TRIP10: variants seen among roughly 807,000 people sequenced by gnomAD.
TRIP10 encodes the protein cdc42-interacting protein 4.
In TRIP10, 54 loss-of-function variants were observed where a neutral mutation model predicts 80.9. The observed-to-expected ratio is 0.67, with a 90% confidence interval of 0.54 to 0.84. TRIP10 has a LOEUF of 0.84. Among genes scored for constraint, TRIP10 ranks in the 40% least tolerant of loss-of-function variants. The probability of loss-of-function intolerance (pLI) is 0.00; values close to 1 mark genes in which losing one functional copy is unlikely to be tolerated. For synonymous variants in TRIP10, 321 were observed against 307.2 expected, an observed-to-expected ratio of 1.04 and a Z score of -0.47; for missense variants, 773 against 815.3, an observed-to-expected ratio of 0.95 and a Z score of 0.63.
In TRIP10 at chr19:6,743,221, C is replaced by G. The variant is rs374874945; in HGVS notation, c.373C>G (p.Gln125Glu). 1.9e-6 allele frequency: 3 copies of G among 1,614,058 alleles called. No homozygotes were observed. Among genetic ancestry groups the G allele is most frequent in the Non-Finnish European group, 2.5e-6 (3 of 1,180,026 alleles). ...MHFQEGRRAQQQLENGFKQLE... is the reference protein window; with the variant it reads ...MHFQEGRRAQEQLENGFKQLE... ...CTTCCAAGAAGGGCGGCGGGCCCAG[C>G]AGCAGCTGGAAAATGGCTTTAAACA... is the stretch of plus-strand genomic sequence containing the variant. The change falls in exon 5 of 15, where the codon CAG (glutamine) becomes GAG (glutamate). Residue 125 changes from glutamine (Q) to glutamate (E), a missense_variant. Physicochemically the swap from Gln to Glu is conservative, Grantham distance 29. Transcript: ENST00000313244.
At chr19:6,750,137 G>GGGGGC in intron 12 of TRIP10, 71 bp downstream of exon 12, 1 of 1,498,174 alleles carries the variant, frequency 6.7e-7, no homozygotes, top group Admixed American at 2.0e-5. Context: ...GGGGTGGGGG[G>GGGGGC]TCGGGGACAG....
rs533753823 is a variant in TRIP10, at chr19:6,742,757, G to T, written c.198-210G>T. 1.8e-4 allele frequency among the ~76,000 whole-genome samples: 27 copies of T among 147,668 alleles called. No individual in the cohort carries two copies. In the South Asian group the frequency reaches 5.8e-3, roughly 32 times the overall value. On this transcript the variant is annotated intron_variant, in intron 3 of 14. Coordinates refer to ENST00000313244, the MANE Select transcript of TRIP10 (RefSeq NM_001288962.2). ...CAATCATGCCGCTGCACTGCAGCCT[G>T]GGTGACAGCAAGACCCTGTCTCAAA...
At position 6,745,174 on chromosome 19, in the gene TRIP10, G is replaced by A; in HGVS notation, c.984+180G>A. 1.2e-6 allele frequency: 1 copy of A among 844,290 alleles called. No individual in the cohort carries two copies. Among genetic ancestry groups the A allele is most frequent in the East Asian group, 2.8e-5 (1 of 35,150 alleles). 52.3% of individuals were successfully genotyped at this position (844,290 alleles called of 1,614,324 possible). A position where few individuals can be genotyped will look rare whatever the true frequency, so the allele number is the denominator to read the frequency against. On this transcript the variant is annotated intron_variant, in intron 9 of 14. Transcript: ENST00000313244. The surrounding 1 kb of genome is among the most constrained non-coding windows in gnomAD (Gnocchi z 7.2). ...CCGATTGGCCTGGGAGTCCCCCGAG[G>A]CGAAGGCGGGGGCAGGGTGGGGAGG... is the stretch of plus-strand genomic sequence containing the variant.
intron 11 of TRIP10, chr19:6,748,284 G>T (rs1355130324): frequency 6.6e-6 from 1 of 152,118 alleles, no homozygotes. Flanking sequence ...TTTGCCATTT[G>T]CATGTAACCT....
rs1362570276 is a variant in TRIP10, at chr19:6,744,508, T to C, written c.643-46T>C. Reference sequence around the variant, plus strand: ...GCAGAGTGAATCACTGTGCTTCTAGTCCCTCTGTTAGCACCCCTGAGCCAC... The same window carrying C: ...GCAGAGTGAATCACTGTGCTTCTAGCCCCTCTGTTAGCACCCCTGAGCCAC... On this transcript the variant is annotated intron_variant, in intron 7 of 14. Coordinates refer to ENST00000313244, the MANE Select transcript of TRIP10 (RefSeq NM_001288962.2). This position sits in a 1 kb window ranked among gnomAD's most constrained non-coding sequence, Gnocchi z 4.9. 1.2e-6 allele frequency: 2 copies of C among 1,611,472 alleles called. No homozygotes were observed. The highest frequency in any genetic ancestry group is 2.7e-5 in the African/African-American group (2 of 74,902).
Position 6,744,961 on chromosome 19 carries a change from C to T in TRIP10, c.951C>T (p.Arg317=), listed in dbSNP as rs760006641. ...AACTCCGAGGCCCGGGTCGCAGCCG[C>T]ACCAAGCGCTGGCCTTTTGGCAAGA... ...RPELRGPGRS[R]TKRWPFGKKN... The change falls in exon 9 of 15, where the codon CGC becomes CGT. Residue 317 remains arginine, a synonymous_variant. Transcript: ENST00000313244. The surrounding 1 kb of genome is among the most constrained non-coding windows in gnomAD (Gnocchi z 4.9). 6 of 1,613,870 alleles carry T rather than the reference C, an allele frequency of 3.7e-6. No homozygotes were observed. In the South Asian group the frequency reaches 4.4e-5, roughly 12 times the overall value.
Position 6,746,016 on chromosome 19 carries a change from C to T in TRIP10, c.985-13C>T, listed in dbSNP as rs1969111923. On this transcript the variant is annotated splice_polypyrimidine_tract_variant and intron_variant, in intron 9 of 14. Transcript: ENST00000313244. The surrounding 1 kb of genome is among the most constrained non-coding windows in gnomAD (Gnocchi z 6.2). ...CCCTTCAACCTATCCCCCTCCCCGG[C>T]CCCCGCCGGTAGCCTCGCCCCCCAC... 4 of 894,312 alleles carry T rather than the reference C, an allele frequency of 4.5e-6. No homozygotes were observed. Among genetic ancestry groups the T allele is most frequent in the Non-Finnish European group, 4.3e-6 (3 of 697,242 alleles). The allele number at this position is 894,312 out of a possible 1,614,324, so 55.4% of individuals were successfully genotyped here.
Position 6,751,202 on chromosome 19 carries a change from G to A in TRIP10, c.1797G>A (p.Thr599=), listed in dbSNP as rs943907753. 3 of 1,613,936 alleles carry A rather than the reference G, an allele frequency of 1.9e-6. No homozygotes were observed. The highest frequency in any genetic ancestry group is 2.2e-5 in the South Asian group (2 of 91,074). The part of the protein sequence containing the change: ...GYVPTSYLRV[T]LN ...TGCCCACCTCCTACCTCCGAGTCAC[G>A]CTCAATTGAACCCTGCCAGAGACGG... Residue 599 remains threonine, a synonymous_variant, in exon 15 of 15, where the codon ACG becomes ACA. Coordinates refer to ENST00000313244, the MANE Select transcript of TRIP10 (RefSeq NM_001288962.2).
intron 6 of TRIP10, 27 bp downstream of exon 6, chr19:6,743,625 G>T: frequency 3.1e-6 from 4 of 1,295,418 alleles, no homozygotes; most frequent in South Asian, 2.4e-5. Context: ...CGGGGGGGGG[G>T]TGCGGGGTCT....
chr19:6,750,187 T>C, intron 12 of TRIP10, 105 bp from the exon 13 acceptor site: 2 of 1,573,116 alleles, frequency 1.3e-6, no homozygotes, highest in Non-Finnish European at 1.7e-6. Context: ...CTGTTTTCCA[T>C]CACAGCCTTG....
In TRIP10 at chr19:6,751,327, C is replaced by A. The variant is rs1258589150; in HGVS notation, c.*116C>A. On this transcript the variant is annotated 3_prime_UTR_variant, in exon 15 of 15. Transcript: ENST00000313244. ...GTGGCTTCGGCTGAGACCTGTGTAA[C>A]CTGCTGCCCCCTCCACCCCCAACCC... is the stretch of plus-strand genomic sequence containing the variant. 4 of 1,537,770 alleles carry A rather than the reference C, an allele frequency of 2.6e-6. No individual in the cohort carries two copies. The highest frequency in any genetic ancestry group is 3.5e-6 in the Non-Finnish European group (4 of 1,137,286).
At chr19:6,741,202 C>G (rs1194846225) in intron 2 of TRIP10, 23 bp from the exon 3 acceptor site, 1 of 1,612,938 alleles carries the variant, frequency 6.2e-7, no homozygotes, top group East Asian at 2.2e-5. Flanking sequence ...GGGCTCAGCC[C>G]TCCTACCTCT....
chr19:6,741,137 G>C lies in TRIP10; in HGVS notation c.140+12G>C, dbSNP rs1418177725. ...GCCAAACAACTGCGGTGAGACCCTGGGGTGGACGCTACGGAGGACGCGCCT... is the reference window on the plus strand; with the variant it reads ...GCCAAACAACTGCGGTGAGACCCTGCGGTGGACGCTACGGAGGACGCGCCT... On this transcript the variant is annotated intron_variant, in intron 2 of 14. Transcript: ENST00000313244. 1.2e-6 allele frequency: 2 copies of C among 1,614,036 alleles called. No individual in the cohort carries two copies. The highest frequency in any genetic ancestry group is 2.7e-5 in the African/African-American group (2 of 74,946).
At chr19:6,739,807 C>T in intron 1 of TRIP10, 22 bp downstream of exon 1, 1 of 1,458,566 alleles carries the variant, frequency 6.9e-7, no homozygotes, top group South Asian at 1.5e-5. Flanking sequence ...CGGCCCGCCT[C>T]TAAGTTCCCC....
At position 6,743,061 on chromosome 19, in the gene TRIP10, G is replaced by C; in HGVS notation, c.292G>C (p.Val98Leu). 6.2e-7 allele frequency: 1 copy of C among 1,614,202 alleles called. No homozygotes were observed. The highest frequency in any genetic ancestry group is 8.5e-7 in the Non-Finnish European group (1 of 1,180,034). Residue 98 changes from valine to leucine, a missense_variant, in exon 4 of 15, where the codon GTA (valine) becomes CTA (leucine). Coordinates refer to ENST00000313244, the MANE Select transcript of TRIP10 (RefSeq NM_001288962.2). The stretch of plus-strand genomic sequence containing the variant: ...GGTGGCTGAGAACCTCAGTGTCCGT[G>C]TATGTCTTGAGCTGACCAAGTACTC... The part of the protein sequence containing the change: ...ELVAENLSVR[V>L]CLELTKYSQE...
Position 6,751,341 on chromosome 19 carries a change from C to T in TRIP10, c.*130C>T, listed in dbSNP as rs556351888. 3 of 1,513,910 alleles carry T rather than the reference C, an allele frequency of 2.0e-6. No individual in the cohort carries two copies. The highest frequency in any genetic ancestry group is 4.1e-5 in the Admixed American group (2 of 49,144). The allele number at this position is 1,513,910 out of a possible 1,614,324, so 93.8% of individuals were successfully genotyped here. A position where few individuals can be genotyped will look rare whatever the true frequency, so the allele number is the denominator to read the frequency against. ...GACCTGTGTAACCTGCTGCCCCCTC[C>T]ACCCCCAACCCAGTCCTACCTGTCA... On this transcript the variant is annotated 3_prime_UTR_variant, in exon 15 of 15. Coordinates refer to ENST00000313244, the MANE Select transcript of TRIP10 (RefSeq NM_001288962.2).
Position 6,741,113 on chromosome 19 carries a change from C to G in TRIP10, c.128C>G (p.Ala43Gly). 1 of 1,614,224 alleles carries G rather than the reference C, an allele frequency of 6.2e-7. No homozygotes were observed. The highest frequency in any genetic ancestry group is 8.5e-7 in the Non-Finnish European group (1 of 1,180,032). ...CGCACCGAAGTGGAACAGGCTTACGCCAAACAACTGCGGTGAGACCCTGGG... is the reference window on the plus strand; with the variant it reads ...CGCACCGAAGTGGAACAGGCTTACGGCAAACAACTGCGGTGAGACCCTGGG... ...KERTEVEQAY[A>G]KQLRSLVKKY... The change falls in exon 2 of 15, where the codon GCC (alanine) becomes GGC (glycine). Residue 43 changes from alanine (A) to glycine (G), a missense_variant. Transcript: ENST00000313244.
intron 3 of TRIP10, among the ~76,000 whole-genome samples, 172 bp from the exon 4 acceptor site, chr19:6,742,795 A>G (rs934094423): frequency 6.6e-6 from 1 of 152,074 alleles, no homozygotes; most frequent in African/African-American, 2.4e-5. Flanking sequence ...AAAAAAAAAA[A>G]AAAATCTACT....
At position 6,739,835 on chromosome 19, in the gene TRIP10, A is replaced by AC. The variant is rs752546966; in HGVS notation, c.24+56dup. The AC allele has an allele frequency of 2.7e-5, 38 of 1,404,888 alleles. No homozygotes were observed. The Middle Eastern group carries it at 1.0e-3, about 38-fold the overall frequency. 87.0% of individuals were successfully genotyped at this position (1,404,888 alleles called of 1,614,324 possible). A position where few individuals can be genotyped will look rare whatever the true frequency, so the allele number is the denominator to read the frequency against. On this transcript the variant is annotated intron_variant, in intron 1 of 14. Transcript: ENST00000313244. ...AGTTCCCCTTTGCTGGGGTCCAGGC[A>AC]CCCCCCTTTTGTCCCCAATGTATCT...
Sources: allele counts gnomAD v4.1 joint callset (sites outside exome capture counted in the v4.1 genomes callset), GRCh38; gene constraint gnomAD v4.1.1; non-coding constraint Gnocchi (gnomAD v3.1); transcripts MANE v1.5; gene names NCBI Gene and HGNC (gene_info 2026-07-23, HGNC 2026-07-21).